SGCD: variants seen among roughly 807,000 people sequenced by gnomAD.
SGCD encodes delta-sarcoglycan.
In SGCD, 18 loss-of-function variants were observed where a neutral mutation model predicts 36.6. That is an observed-to-expected ratio of 0.49 (90% confidence interval 0.34 to 0.73). The LOEUF (loss-of-function observed/expected upper bound fraction) is 0.73, where lower values mean the gene tolerates loss of function less well. SGCD is among the 30% of genes least tolerant of loss of function. The probability of loss-of-function intolerance (pLI) is 0.01; values close to 1 mark genes in which losing one functional copy is unlikely to be tolerated. For synonymous variants in SGCD, 133 were observed against 130.6 expected, an observed-to-expected ratio of 1.02 and a Z score of -0.12; for missense variants, 387 against 346.7, an observed-to-expected ratio of 1.12 and a Z score of -0.92.
chr5:156,458,746 C>A (rs1481625235), intron 3 of SGCD, among the ~76,000 whole-genome samples: 1 of 152,210 alleles, frequency 6.6e-6, no homozygotes, highest in African/African-American at 2.4e-5. Context: ...GATCATCCAC[C>A]TGAAATACAG....
chr5:156,219,325 C>G (rs1332688608), intron 3 of SGCD, among the ~76,000 whole-genome samples: 1 of 152,062 alleles, frequency 6.6e-6, no homozygotes, highest in Admixed American at 6.6e-5. Flanking sequence ...AATGCTTATT[C>G]AATTTGTTAA....
chr5:156,467,161 G>A (rs987434515), intron 3 of SGCD, among the ~76,000 whole-genome samples: 3 of 152,146 alleles, frequency 2.0e-5, no homozygotes, highest in Non-Finnish European at 4.4e-5. Flanking sequence ...ACAAAACCAA[G>A]TAGCAGGCTG....
upstream of SGCD, among the ~76,000 whole-genome samples, chr5:156,324,744 T>G (rs1391569739): frequency 6.7e-6 from 1 of 149,582 alleles, no homozygotes; most frequent in Non-Finnish European, 1.5e-5. Flanking sequence ...TATTTAAAAC[T>G]TCTTTTTTTT....
intron 7 of SGCD, among the ~76,000 whole-genome samples, chr5:156,703,002 A>G (rs887559455): frequency 2.6e-5 from 4 of 152,172 alleles, no homozygotes; most frequent in African/African-American, 9.7e-5. Flanking sequence ...TGCTCCTATA[A>G]TATAAGCCAC....
chr5:155,934,203 A>G (rs1176317800), intron 1 of SGCD, among the ~76,000 whole-genome samples: 1 of 152,238 alleles, frequency 6.6e-6, no homozygotes, highest in Admixed American at 6.5e-5. Context: ...TGCCAGGTGC[A>G]GAGCCACACG....
chr5:155,759,101 C>G, the SGCD span, among the ~76,000 whole-genome samples: 1 of 151,976 alleles, frequency 6.6e-6, no homozygotes, highest in Non-Finnish European at 1.5e-5. Context: ...CTTGGCCTCC[C>G]AAAGCACTAG....
intron 3 of SGCD, among the ~76,000 whole-genome samples, chr5:156,371,070 A>G (rs1038944029): frequency 3.0e-4 from 45 of 152,182 alleles, no homozygotes; most frequent in African/African-American, 1.0e-3. Context: ...CCTGTGCATG[A>G]TTTTCCCTTA....
In SGCD at chr5:156,072,016, A is replaced by G. The variant is rs143063349; in HGVS notation, c.-281-45862A>G. ...TCCTCCATCCTTTTATTTTGTGCCTATGTGCGTCTCTGCACGTGAGATGGG... is the reference window on the plus strand; with the variant it reads ...TCCTCCATCCTTTTATTTTGTGCCTGTGTGCGTCTCTGCACGTGAGATGGG... On this transcript the variant is annotated intron_variant, in intron 1 of 9. Coordinates refer to the SGCD transcript ENST00000517913. Among the ~76,000 whole-genome samples, 446 of 152,182 alleles carry G rather than the reference A, an allele frequency of 2.9e-3. 2 individuals carry two copies. Among genetic ancestry groups the G allele is most frequent in the Non-Finnish European group, 5.0e-3 (337 of 68,022 alleles).
intron 3 of SGCD, among the ~76,000 whole-genome samples, chr5:156,470,947 A>C (rs373463159): frequency 6.6e-6 from 1 of 152,184 alleles, no homozygotes; most frequent in South Asian, 2.1e-4. Flanking sequence ...AGGGAGCTCA[A>C]TCAAAATCCC....
At chr5:155,877,788 A>T (rs900228833) in intron 1 of SGCD, among the ~76,000 whole-genome samples, 2 of 152,132 alleles carry the variant, frequency 1.3e-5, no homozygotes, top group Non-Finnish European at 2.9e-5. Flanking sequence ...ACAAACCCTG[A>T]TAAGTGCAAT....
At chr5:156,138,112 T>C (rs1762501250) in intron 3 of SGCD, among the ~76,000 whole-genome samples, 1 of 152,092 alleles carries the variant, frequency 6.6e-6, no homozygotes, top group African/African-American at 2.4e-5. Context: ...AAACTTCACA[T>C]ACACGGAGCC....
chr5:156,674,296 C>T (rs576388538), intron 7 of SGCD, among the ~76,000 whole-genome samples: 10 of 152,272 alleles, frequency 6.6e-5, no homozygotes, highest in East Asian at 3.9e-4. Context: ...TTCTCTTCCC[C>T]GTTACATATA....
At position 156,257,212 on chromosome 5, in the gene SGCD, C is replaced by T. The variant is rs185666564; in HGVS notation, c.-43-72322C>T. Among the ~76,000 whole-genome samples the T allele has an allele frequency of 3.6e-3, 552 of 152,122 alleles. 2 individuals are homozygous for T. The highest frequency in any genetic ancestry group is 5.3e-3 in the Non-Finnish European group (359 of 67,970). ...ATAAAAGGCCAGGCGCAGTGGCTCACGCCTGTAATCTCAACACTTTGGGAG... is the reference window on the plus strand; with the variant it reads ...ATAAAAGGCCAGGCGCAGTGGCTCATGCCTGTAATCTCAACACTTTGGGAG... On this transcript the variant is annotated intron_variant, in intron 3 of 9. Transcript: ENST00000517913.
chr5:155,762,931 A>G, the SGCD span, among the ~76,000 whole-genome samples: 1,168 of 152,260 alleles, frequency 7.7e-3, 8 homozygotes, highest in South Asian at 0.017. Flanking sequence ...GAACACATCA[A>G]AAGGGAATGG....
chr5:156,537,347 C>A (rs1240665737), intron 4 of SGCD, among the ~76,000 whole-genome samples: 1 of 151,952 alleles, frequency 6.6e-6, no homozygotes, highest in African/African-American at 2.4e-5. Flanking sequence ...GTACCTTCTG[C>A]ATTCCTGGTG....
chr5:156,640,201 C>T (rs571034039), intron 6 of SGCD, among the ~76,000 whole-genome samples: 150 of 152,102 alleles, frequency 9.9e-4, no homozygotes, highest in Admixed American at 1.5e-3. Context: ...CACACCCCTC[C>T]CATGAAATCT....
intron 2 of SGCD, among the ~76,000 whole-genome samples, chr5:156,122,235 ACTT>A (rs2127602882): frequency 2.0e-5 from 3 of 152,244 alleles, no homozygotes; most frequent in African/African-American, 7.2e-5. Flanking sequence ...ATCGAGCTCC[ACTT>A]CTGTGCAAGG....
chr5:155,806,258 G>A, the SGCD span, among the ~76,000 whole-genome samples: 40 of 152,112 alleles, frequency 2.6e-4, no homozygotes, highest in Non-Finnish European at 4.0e-4. Context: ...GGGTTCAAGC[G>A]ATTCTCCTGC....
At chr5:155,860,721 G>C in the SGCD span, among the ~76,000 whole-genome samples, 1 of 152,156 alleles carries the variant, frequency 6.6e-6, no homozygotes, top group African/African-American at 2.4e-5. Context: ...CCCTGTGTTT[G>C]GGTATGCTTA....
Sources: allele counts gnomAD v4.1 joint callset (sites outside exome capture counted in the v4.1 genomes callset), GRCh38; gene constraint gnomAD v4.1.1; transcripts MANE v1.5; gene names NCBI Gene and HGNC (gene_info 2026-07-23, HGNC 2026-07-21).